The following NEBL variants were observed in gnomAD, a reference collection of about 807,000 sequenced individuals.
The protein encoded by NEBL is LIM and SH3 protein 2.
NEBL carries 122 observed loss-of-function variants against 140.2 expected under a neutral mutation model. The ratio of observed to expected loss-of-function variants is 0.87; its 90% confidence interval spans 0.75 to 1.01. NEBL has a LOEUF of 1.01. Ranked by LOEUF, NEBL falls within the 50% of genes least tolerant of loss-of-function variation. The pLI, the probability that NEBL is intolerant of heterozygous loss-of-function variation, is 0.00. For synonymous variants in NEBL, 436 were observed against 398.9 expected (o/e 1.09, Z -1.11); for missense variants, 1,365 against 1,231.3 (o/e 1.11, Z -1.62).
intron 2 of NEBL, among the ~76,000 whole-genome samples, chr10:21,091,371 A>G (rs1836903574): frequency 6.6e-6 from 1 of 152,234 alleles, no homozygotes; most frequent in South Asian, 2.1e-4. Flanking sequence ...ATTTCAATAC[A>G]TAAATAAAAA....
Position 21,248,344 on chromosome 10 carries a change from C to T in NEBL, n.280-355G>A, listed in dbSNP as rs115267026. 8.2e-3 allele frequency among the ~76,000 whole-genome samples: 1,248 copies of T among 151,600 alleles called. 21 individuals carry two copies. Among genetic ancestry groups the T allele is most frequent in the African/African-American group, 0.029 (1,196 of 41,210 alleles). On this transcript the variant is annotated intron_variant and non_coding_transcript_variant, in intron 2 of 8. Transcript: ENST00000675702. Reference sequence around the variant, plus strand: ...GAAACTTTTGAGACTATCACTACAGCCAAACTCACTAGAAAAAAAAAAAAT... The same window carrying T: ...GAAACTTTTGAGACTATCACTACAGTCAAACTCACTAGAAAAAAAAAAAAT...
chr10:20,952,376 G>A (rs1403445557), intron 4 of NEBL, among the ~76,000 whole-genome samples: 3 of 149,060 alleles, frequency 2.0e-5, no homozygotes, highest in African/African-American at 5.0e-5. Context: ...GGCAGAGGTT[G>A]CCATGAGCCG....
At chr10:21,060,292 T>C (rs542862018) in intron 2 of NEBL, among the ~76,000 whole-genome samples, 1 of 152,320 alleles carries the variant, frequency 6.6e-6, no homozygotes, top group South Asian at 2.1e-4. Context: ...ATTCTTCATA[T>C]ACATTAGGCA....
intron 20 of NEBL, 102 bp downstream of exon 20, chr10:20,819,322 C>T: frequency 6.4e-7 from 1 of 1,573,186 alleles, no homozygotes; most frequent in Non-Finnish European, 8.7e-7. Context: ...GTTTTACGTT[C>T]CTGTGTTAGT....
intron 4 of NEBL, among the ~76,000 whole-genome samples, chr10:20,937,062 C>T (rs1834529330): frequency 6.6e-6 from 1 of 152,166 alleles, no homozygotes; most frequent in East Asian, 1.9e-4. Flanking sequence ...TAAAATTGCA[C>T]CTGCCAAGTG....
chr10:20,834,696 C>A (rs1840714307), intron 14 of NEBL, among the ~76,000 whole-genome samples: 2 of 152,152 alleles, frequency 1.3e-5, no homozygotes, highest in Non-Finnish European at 1.5e-5. Context: ...TGAACAGGAC[C>A]CCTTCACCTG....
At chr10:20,902,726 T>G (rs777837457) in intron 4 of NEBL, among the ~76,000 whole-genome samples, 2 of 152,114 alleles carry the variant, frequency 1.3e-5, no homozygotes, top group Non-Finnish European at 2.9e-5. Context: ...GCAATTAAGC[T>G]AATACCATGA....
chr10:21,099,249 A>G (rs1361926324), intron 2 of NEBL, among the ~76,000 whole-genome samples: 1 of 152,252 alleles, frequency 6.6e-6, no homozygotes, highest in Non-Finnish European at 1.5e-5. Flanking sequence ...AGTGACGGGT[A>G]TGAATTCAAT....
At position 21,055,318 on chromosome 10, in the gene NEBL, GA is replaced by G. The variant is rs140312871; in HGVS notation, c.165-35118del. ...CTCTGAGACCAAGAGACATTGTAAAGAGGGAAATATTCAGCTAACAAGAAAT... is the reference window on the plus strand; with the variant it reads ...CTCTGAGACCAAGAGACATTGTAAAGGGGAAATATTCAGCTAACAAGAAAT... On this transcript the variant is annotated intron_variant, in intron 2 of 6. Transcript: ENST00000417816. Among the ~76,000 whole-genome samples the G allele has an allele frequency of 9.0e-3, 1,366 of 152,322 alleles. 20 individuals are homozygous for G. The highest frequency in any genetic ancestry group is 0.031 in the African/African-American group (1,279 of 41,568).
intron 2 of NEBL, among the ~76,000 whole-genome samples, chr10:21,070,575 T>A (rs1589201087): frequency 6.6e-6 from 1 of 152,122 alleles, no homozygotes; most frequent in African/African-American, 2.4e-5. Context: ...AAAGGACAGA[T>A]AACCTAAGTG....
At chr10:20,831,693 T>A in intron 14 of NEBL, 110 bp from the exon 15 acceptor site, 2 of 721,410 alleles carry the variant, frequency 2.8e-6, no homozygotes, top group Non-Finnish European at 4.8e-6. Flanking sequence ...TGAAGTTGAA[T>A]CCTTATTTCT....
intron 2 of NEBL, chr10:21,020,319 C>T (rs1323041529): frequency 1.2e-6 from 1 of 865,392 alleles, no homozygotes; most frequent in Admixed American, 1.9e-5. Flanking sequence ...GGAAGAGGGA[C>T]CTGAGCTTGG....
intron 3 of NEBL, among the ~76,000 whole-genome samples, chr10:21,214,545 G>A (rs560440942): frequency 7.1e-4 from 106 of 149,118 alleles, no homozygotes; most frequent in African/African-American, 2.5e-3. Context: ...ATACACACAT[G>A]CACACACATG....
chr10:20,997,786 T>A (rs536590558), intron 3 of NEBL, among the ~76,000 whole-genome samples: 3 of 152,232 alleles, frequency 2.0e-5, no homozygotes, highest in African/African-American at 7.2e-5. Context: ...TGAGATAGGA[T>A]CCTATACAGA....
At chr10:21,272,297 C>A (rs1842870677) in intron 1 of NEBL, among the ~76,000 whole-genome samples, 1 of 151,640 alleles carries the variant, frequency 6.6e-6, no homozygotes, top group African/African-American at 2.4e-5. Context: ...CAAAAATAAA[C>A]AAATACACCT....
chr10:21,142,409 T>C (rs907525648), intron 2 of NEBL, among the ~76,000 whole-genome samples: 1 of 151,902 alleles, frequency 6.6e-6, no homozygotes, highest in Non-Finnish European at 1.5e-5. Context: ...TACCACTCAG[T>C]CCATGGCAAA....
chr10:20,980,852 A>G (rs1177796719), intron 3 of NEBL, among the ~76,000 whole-genome samples: 1 of 152,232 alleles, frequency 6.6e-6, no homozygotes, highest in African/African-American at 2.4e-5. Flanking sequence ...TAAGTTTATT[A>G]CTTCTTCCTT....
At chr10:21,169,067 A>AAAAAAAAT (rs1554830679) in intron 2 of NEBL, among the ~76,000 whole-genome samples, 14 of 23,074 alleles carry the variant, frequency 6.1e-4, no homozygotes, top group Non-Finnish European at 1.0e-3. Context: ...AAAAAAAAAA[A>AAAAAAAAT]ATATATATAT....
chr10:20,978,368 G>A (rs1836887785), intron 3 of NEBL, among the ~76,000 whole-genome samples: 1 of 151,944 alleles, frequency 6.6e-6, no homozygotes, highest in Admixed American at 6.6e-5. Context: ...TAATATACAA[G>A]GCCATTTGTG....
Sources: allele counts gnomAD v4.1 joint callset (sites outside exome capture counted in the v4.1 genomes callset), GRCh38; gene constraint gnomAD v4.1.1; transcripts MANE v1.5; gene names NCBI Gene and HGNC (gene_info 2026-07-23, HGNC 2026-07-21).